Variants in RBFOX3 observed in about 807,000 individuals in gnomAD.
RBFOX3 encodes RNA binding fox-1 homolog 3, also known as RNA binding protein fox-1 homolog 3.
RBFOX3 carries 17 observed loss-of-function variants against 48.7 expected under a neutral mutation model. That is an observed-to-expected ratio of 0.35 (90% CI 0.24 to 0.52). The LOEUF (loss-of-function observed/expected upper bound fraction) is 0.52, where lower values mean the gene tolerates loss of function less well. Among genes scored for constraint, RBFOX3 ranks in the 20% least tolerant of loss-of-function variants. The pLI, the probability that RBFOX3 is intolerant of heterozygous loss-of-function variation, is 0.94. For missense variants in RBFOX3, 382 were observed against 497.5 expected (o/e 0.77, Z 2.21); for synonymous variants, 212 against 209.5 (o/e 1.01, Z -0.10).
chr17:79,327,974 G>T (rs1272825334), intron 2 of RBFOX3, among the ~76,000 whole-genome samples: 1 of 152,186 alleles, frequency 6.6e-6, no homozygotes, highest in East Asian at 1.9e-4. Flanking sequence ...GATTACAGGT[G>T]TGAGCCACCG....
rs1490947879 is a variant in RBFOX3, at chr17:79,299,378, T to C, written c.-74+8346A>G. The stretch of plus-strand genomic sequence containing the variant: ...TCTGGATCTTAGAGTTCTGCATCCA[T>C]GGATTAAACCAACCACAGGTCAAAA... On this transcript the variant is annotated intron_variant, in intron 3 of 14. Coordinates refer to ENST00000693108, the MANE Select transcript of RBFOX3 (RefSeq NM_001350451.2). This position sits in a 1 kb window ranked among gnomAD's most constrained non-coding sequence, Gnocchi z 4.5. 6.6e-6 allele frequency among the ~76,000 whole-genome samples: 1 copy of C among 152,014 alleles called. No individual in the cohort carries two copies. Among genetic ancestry groups the C allele is most frequent in the Non-Finnish European group, 1.5e-5 (1 of 67,996 alleles).
chr17:79,165,098 G>A (rs1355524742), intron 4 of RBFOX3, among the ~76,000 whole-genome samples: 4 of 152,098 alleles, frequency 2.6e-5, no homozygotes, highest in African/African-American at 9.7e-5. Context: ...GGAGGGGGAG[G>A]CATGGGGAGC....
At chr17:79,632,972 G>A in the RBFOX3 span, among the ~76,000 whole-genome samples, 1 of 152,136 alleles carries the variant, frequency 6.6e-6, no homozygotes, top group Admixed American at 6.5e-5. Context: ...AGAGAGATGG[G>A]CACTTTTACC....
chr17:79,375,674 TGC>T (rs2059141456), intron 2 of RBFOX3, among the ~76,000 whole-genome samples: 2 of 151,448 alleles, frequency 1.3e-5, no homozygotes, highest in Non-Finnish European at 2.9e-5. Flanking sequence ...GGGATGGAGT[TGC>T]CCCCTTGGAG....
chr17:79,564,983 T>C (rs1466630390), intron 1 of RBFOX3, among the ~76,000 whole-genome samples: 1 of 142,058 alleles, frequency 7.0e-6, no homozygotes, highest in Non-Finnish European at 1.5e-5. Context: ...GGAGTTGCAG[T>C]GAGCAGAGAT....
intron 2 of RBFOX3, among the ~76,000 whole-genome samples, chr17:79,320,824 T>G (rs8074661): frequency 0.99 from 150,602 of 152,174 alleles, 74,541 homozygotes; most frequent in Middle Eastern, 1. Flanking sequence ...AACTTTGAGG[T>G]GCTGTTCTAG....
In RBFOX3 at chr17:79,420,956, T is replaced by C. The variant is rs138847914; in HGVS notation, c.-175+61498A>G. ...GCCATGTACACCTCCCAAGCCGCCA[T>C]GATGAAGCTGGTGAAGACTCGGGCA... On this transcript the variant is annotated intron_variant, in intron 2 of 14. Transcript: ENST00000693108. Among the ~76,000 whole-genome samples, 13 of 152,290 alleles carry C rather than the reference T, an allele frequency of 8.5e-5. No individual in the cohort carries two copies. The East Asian group carries it at 1.9e-3, about 23-fold the overall frequency.
At chr17:79,287,897 C>T (rs375804926) in intron 3 of RBFOX3, among the ~76,000 whole-genome samples, 6 of 152,308 alleles carry the variant, frequency 3.9e-5, no homozygotes, top group African/African-American at 1.4e-4. Flanking sequence ...AGGATTGTCA[C>T]ATTGCGGCAC....
intron 2 of RBFOX3, among the ~76,000 whole-genome samples, chr17:79,325,523 G>A (rs181096127): frequency 6.6e-6 from 1 of 152,260 alleles, no homozygotes; most frequent in Admixed American, 6.5e-5. Flanking sequence ...TGGGAGACCC[G>A]ATAGAGACTT....
chr17:79,412,711 G>A (rs2064645708), intron 2 of RBFOX3, among the ~76,000 whole-genome samples: 1 of 151,930 alleles, frequency 6.6e-6, no homozygotes, highest in African/African-American at 2.4e-5. Context: ...ATATGTGTAT[G>A]TGTGAGGGCA....
chr17:79,506,636 G>A (rs1213453650), intron 1 of RBFOX3, among the ~76,000 whole-genome samples: 4 of 152,218 alleles, frequency 2.6e-5, no homozygotes, highest in East Asian at 1.9e-4. Context: ...CAATTGCCGC[G>A]GCCAGGCCTG....
At chr17:79,171,603 CTAAT>C (rs1396402787) in intron 4 of RBFOX3, among the ~76,000 whole-genome samples, 3 of 151,468 alleles carry the variant, frequency 2.0e-5, no homozygotes, top group African/African-American at 7.3e-5. Flanking sequence ...TTGAATCACA[CTAAT>C]TACTAACATT....
intron 1 of RBFOX3, among the ~76,000 whole-genome samples, chr17:79,582,781 T>C (rs1644644212): frequency 6.4e-5 from 1 of 15,574 alleles, no homozygotes; most frequent in African/African-American, 2.4e-4. Flanking sequence ...AGACCCCGTC[T>C]CAAAAAAAAA....
Position 79,115,703 on chromosome 17 carries a change from A to AGGGGGGGGGGGGTTT in RBFOX3, c.12_13insAAACCCCCCCCCCCC (p.Pro4_Tyr5insLysProProProPro). ...GGAGGGGGGTACTGGGCGGGGGGGT[A>AGGGGGGGGGGGGTTT]GGGCTGGGCCATCGCTTCAGGCGGA... On this transcript the variant is annotated inframe_insertion, in exon 5 of 15. Coordinates refer to ENST00000693108, the MANE Select transcript of RBFOX3 (RefSeq NM_001350451.2). The AGGGGGGGGGGGGTTT allele has an allele frequency of 1.0e-5, 4 of 383,550 alleles. No individual in the cohort carries two copies. Among genetic ancestry groups the AGGGGGGGGGGGGTTT allele is most frequent in the African/African-American group, 2.9e-5 (1 of 34,984 alleles). 23.8% of individuals were successfully genotyped at this position (383,550 alleles called of 1,614,324 possible). A position where few individuals can be genotyped will look rare whatever the true frequency, so the allele number is the denominator to read the frequency against.
chr17:79,551,863 T>C (rs1159334924), intron 1 of RBFOX3, among the ~76,000 whole-genome samples: 11 of 152,220 alleles, frequency 7.2e-5, no homozygotes, highest in African/African-American at 2.7e-4. Context: ...ATGTACAGCC[T>C]GCTCATGGCC....
chr17:79,354,245 A>G (rs935335292), intron 2 of RBFOX3, among the ~76,000 whole-genome samples: 8 of 152,180 alleles, frequency 5.3e-5, no homozygotes, highest in African/African-American at 1.7e-4. Flanking sequence ...ATGTGTAAAG[A>G]CGCAGGCCCA....
intron 4 of RBFOX3, among the ~76,000 whole-genome samples, chr17:79,211,469 C>T (rs188813368): frequency 2.6e-5 from 4 of 152,350 alleles, no homozygotes; most frequent in Admixed American, 6.5e-5. Flanking sequence ...TTGAGATCAT[C>T]GTATGCTGAA....
At chr17:79,615,220 C>T (rs1484374364), upstream of RBFOX3, among the ~76,000 whole-genome samples, 1 of 152,182 alleles carries the variant, frequency 6.6e-6, no homozygotes, top group Non-Finnish European at 1.5e-5. Flanking sequence ...GAATCCCTTA[C>T]TTCACAAAAT....
At chr17:79,290,806 T>C (rs950426698) in intron 3 of RBFOX3, among the ~76,000 whole-genome samples, 1 of 152,224 alleles carries the variant, frequency 6.6e-6, no homozygotes, top group African/African-American at 2.4e-5. Flanking sequence ...GGAGAGGCTC[T>C]ACCTTACACA....
Sources: allele counts gnomAD v4.1 joint callset (sites outside exome capture counted in the v4.1 genomes callset), GRCh38; gene constraint gnomAD v4.1.1; non-coding constraint Gnocchi (gnomAD v3.1); transcripts MANE v1.5; gene names NCBI Gene and HGNC (gene_info 2026-07-23, HGNC 2026-07-21).